Variants in NEGR1 observed in about 807,000 individuals in gnomAD.
NEGR1 encodes neuronal growth regulator 1.
In NEGR1, 10 loss-of-function variants were observed where a neutral mutation model predicts 40.9. That is an observed-to-expected ratio of 0.24 (90% CI 0.15 to 0.42). NEGR1 has a LOEUF of 0.42. Among genes scored for constraint, NEGR1 ranks in the 10% least tolerant of loss-of-function variants. NEGR1 has a pLI of 1.00. For missense variants in NEGR1, 352 were observed against 438.9 expected (o/e 0.80, Z 1.77); for synonymous variants, 185 against 166.8 (o/e 1.11, Z -0.84).
chr1:71,452,815 CCA>C (rs1491189138), intron 6 of NEGR1, among the ~76,000 whole-genome samples: 13 of 18,700 alleles, frequency 7.0e-4, no homozygotes, highest in South Asian at 0.014. Flanking sequence ...CAAAAAAAAA[CCA>C]AAAAAAAAAC....
intron 3 of NEGR1, among the ~76,000 whole-genome samples, chr1:71,713,153 GT>G (rs1654162553): frequency 6.6e-6 from 1 of 152,164 alleles, no homozygotes; most frequent in South Asian, 2.1e-4. Context: ...TGGTACACCA[GT>G]TTTCACTGAG....
chr1:71,500,019 G>C (rs1474399096), intron 6 of NEGR1, among the ~76,000 whole-genome samples: 4 of 151,904 alleles, frequency 2.6e-5, no homozygotes, highest in Admixed American at 1.3e-4. Context: ...AAATTAAAAG[G>C]CTTATTTAAT....
At chr1:72,072,675 T>A (rs557386133) in intron 1 of NEGR1, among the ~76,000 whole-genome samples, 21 of 152,244 alleles carry the variant, frequency 1.4e-4, no homozygotes, top group African/African-American at 4.6e-4. Flanking sequence ...CTGGGCTCTC[T>A]GTGTAACACA....
At chr1:71,448,720 CA>C (rs1646601986) in intron 6 of NEGR1, among the ~76,000 whole-genome samples, 1 of 152,138 alleles carries the variant, frequency 6.6e-6, no homozygotes, top group South Asian at 2.1e-4. Flanking sequence ...AGGCTGACCA[CA>C]AACACAGTCT....
chr1:72,124,154 G>C (rs1038054507), intron 1 of NEGR1, among the ~76,000 whole-genome samples: 6 of 152,010 alleles, frequency 3.9e-5, no homozygotes, highest in African/African-American at 2.4e-5. Context: ...TTAGGACTAA[G>C]AAAGTAAGAA....
chr1:71,692,593 G>A (rs1036032959), intron 4 of NEGR1, among the ~76,000 whole-genome samples: 8 of 151,600 alleles, frequency 5.3e-5, no homozygotes, highest in Non-Finnish European at 1.2e-4. Flanking sequence ...GAAAACTTTA[G>A]GAATAGCTTT....
chr1:72,262,135 C>A (rs181672648), intron 1 of NEGR1, among the ~76,000 whole-genome samples: 222 of 152,060 alleles, frequency 1.5e-3, no homozygotes, highest in Middle Eastern at 0.01. Flanking sequence ...AACTGGGTGG[C>A]AGGGCCTGCT....
intron 1 of NEGR1, among the ~76,000 whole-genome samples, chr1:72,267,785 A>G (rs1655697930): frequency 6.6e-6 from 1 of 151,338 alleles, no homozygotes; most frequent in South Asian, 2.1e-4. Context: ...AGGAAAACAC[A>G]AGTCTATTGA....
chr1:71,688,403 T>TATTAAAGATATATATAA (rs1557613864), intron 4 of NEGR1, among the ~76,000 whole-genome samples: 1 of 30,148 alleles, frequency 3.3e-5, no homozygotes, highest in Non-Finnish European at 6.2e-5. Context: ...AATATATATA[T>TATTAAAGATATATATAA]AAGATATATA....
intron 2 of NEGR1, among the ~76,000 whole-genome samples, chr1:71,855,274 T>C (rs1380044044): frequency 6.6e-6 from 1 of 152,076 alleles, no homozygotes; most frequent in Non-Finnish European, 1.5e-5. Flanking sequence ...TGCCAAGTGG[T>C]TTTCCCTGAT....
chr1:72,258,689 C>T (rs917981976), intron 1 of NEGR1, among the ~76,000 whole-genome samples: 2 of 151,952 alleles, frequency 1.3e-5, no homozygotes, highest in East Asian at 3.9e-4. Flanking sequence ...TGAAACTCTA[C>T]CTTAAAAATT....
At chr1:71,463,443 A>G in intron 6 of NEGR1, 1 of 152,068 alleles carries the variant, frequency 6.6e-6, no homozygotes, top group African/African-American at 2.4e-5. Flanking sequence ...TACCTTTGAG[A>G]AGTTTATGAT....
intron 3 of NEGR1, among the ~76,000 whole-genome samples, chr1:71,756,394 C>CAAAAAAAA (rs1293104436): frequency 1.7e-5 from 1 of 58,608 alleles, no homozygotes; most frequent in Non-Finnish European, 3.4e-5. Flanking sequence ...CTCAAAAAAA[C>CAAAAAAAA]AAAAAACAAA....
At chr1:72,022,487 C>A (rs2100422832) in intron 1 of NEGR1, among the ~76,000 whole-genome samples, 1 of 147,218 alleles carries the variant, frequency 6.8e-6, no homozygotes, top group African/African-American at 2.5e-5. Context: ...CATAGTAAAC[C>A]AATAAACAGA....
At chr1:72,274,519 T>A (rs1655970148) in intron 1 of NEGR1, 1 of 673,280 alleles carries the variant, frequency 1.5e-6, no homozygotes, top group Non-Finnish European at 2.7e-6. Context: ...GTTGTCTGTA[T>A]CGGTATCCCA....
chr1:71,641,685 T>A (rs941361596), intron 4 of NEGR1, among the ~76,000 whole-genome samples: 1 of 151,898 alleles, frequency 6.6e-6, no homozygotes, highest in East Asian at 1.9e-4. Context: ...GGGAATGACA[T>A]CAGTAAGCAG....
At chr1:71,620,321 T>C (rs1386706156) in intron 4 of NEGR1, among the ~76,000 whole-genome samples, 2 of 152,036 alleles carry the variant, frequency 1.3e-5, no homozygotes, top group Non-Finnish European at 2.9e-5. Context: ...ATGTTGACCT[T>C]AGTCTGTATT....
chr1:71,696,225 G>A (rs763648206), intron 4 of NEGR1, among the ~76,000 whole-genome samples: 17 of 151,380 alleles, frequency 1.1e-4, no homozygotes, highest in Admixed American at 1.1e-3. Context: ...TGACTTTCTC[G>A]GTCTAAATTT....
At chr1:72,143,211 CAA>C (rs1424932450) in intron 1 of NEGR1, among the ~76,000 whole-genome samples, 1 of 151,950 alleles carries the variant, frequency 6.6e-6, no homozygotes, top group Non-Finnish European at 1.5e-5. Flanking sequence ...AAAAATAAGT[CAA>C]AGAGAAATCT....
Sources: gnomAD v4.1 joint callset for allele counts (sites outside exome capture counted in the v4.1 genomes callset) on GRCh38, gnomAD v4.1.1 for gene constraint, MANE v1.5 for transcripts, NCBI Gene and HGNC (gene_info 2026-07-23, HGNC 2026-07-21) for gene names.